Variants in ADAMTSL1 observed in about 807,000 individuals in gnomAD.
ADAMTSL1 encodes ADAMTS like 1.
Under a neutral mutation model 201.8 loss-of-function variants are expected in ADAMTSL1, and 126 were observed. The ratio of observed to expected loss-of-function variants is 0.62; its 90% CI spans 0.54 to 0.72. The LOEUF (loss-of-function observed/expected upper bound fraction) is 0.72, where lower values mean the gene tolerates loss of function less well. Among genes scored for constraint, ADAMTSL1 ranks in the 30% least tolerant of loss-of-function variants. The pLI is 0.00. For synonymous variants in ADAMTSL1, 1,121 were observed against 903.4 expected (o/e 1.24, Z -4.32); for missense variants, 2,679 against 2,277.8 (o/e 1.18, Z -3.59).
At position 18,622,515 on chromosome 9, in the gene ADAMTSL1, T is replaced by C. The variant is rs552343984; in HGVS notation, c.601+146T>C. ...ATGTAGAAGGCTTCATGCTCTGGCA[T>C]GTGAATTAGCTTAGGTGGGACAAGT... On this transcript the variant is annotated intron_variant, in intron 5 of 28. Transcript: ENST00000380548. 15 of 1,250,662 alleles carry C rather than the reference T, an allele frequency of 1.2e-5. No homozygotes were observed. In the South Asian group the frequency reaches 1.9e-4, roughly 16 times the overall value. 77.5% of individuals were successfully genotyped at this position (1,250,662 alleles called of 1,614,324 possible). A position where few individuals can be genotyped will look rare whatever the true frequency, so the allele number is the denominator to read the frequency against.
chr9:18,751,397 A>T (rs755744076), intron 15 of ADAMTSL1, among the ~76,000 whole-genome samples: 5 of 152,194 alleles, frequency 3.3e-5, no homozygotes, highest in African/African-American at 7.2e-5. Context: ...TGGATTCACT[A>T]CTTACTAATT....
chr9:18,036,173 C>T (rs923317798), intron 1 of ADAMTSL1, among the ~76,000 whole-genome samples: 4 of 152,102 alleles, frequency 2.6e-5, no homozygotes, highest in Non-Finnish European at 5.9e-5. Flanking sequence ...TCCAGGCATA[C>T]TTTAAAGCAT....
intron 1 of ADAMTSL1, among the ~76,000 whole-genome samples, chr9:18,034,507 T>C (rs1209652819): frequency 6.6e-6 from 1 of 152,160 alleles, no homozygotes; most frequent in Non-Finnish European, 1.5e-5. Context: ...AAACATAAAC[T>C]CATCATTTTC....
chr9:18,802,949 A>G (rs1563813712), intron 20 of ADAMTSL1, among the ~76,000 whole-genome samples: 1 of 152,214 alleles, frequency 6.6e-6, no homozygotes, highest in Non-Finnish European at 1.5e-5. Flanking sequence ...ACATTTTAAT[A>G]TTGACTAATG....
At chr9:17,938,937 T>G (rs1827121154) in intron 1 of ADAMTSL1, among the ~76,000 whole-genome samples, 1 of 152,164 alleles carries the variant, frequency 6.6e-6, no homozygotes, top group Non-Finnish European at 1.5e-5. Flanking sequence ...GACAAGTCAT[T>G]AAGCAGCTTC....
In ADAMTSL1 at chr9:18,629,917, T is replaced by G. The variant is rs374006205; in HGVS notation, c.602-6026T>G. ...CTTATGAACTTATGGAACACCATTA[T>G]AGTAACTATTTTAATATCCATTCTG... On this transcript the variant is annotated intron_variant, in intron 5 of 28. Transcript: ENST00000380548. 2.0e-5 allele frequency among the ~76,000 whole-genome samples: 3 copies of G among 152,246 alleles called. No individual in the cohort carries two copies. The East Asian group carries it at 5.8e-4, about 29-fold the overall frequency.
intron 2 of ADAMTSL1, among the ~76,000 whole-genome samples, chr9:18,511,128 G>C (rs919916955): frequency 6.6e-6 from 1 of 152,088 alleles, no homozygotes; most frequent in African/African-American, 2.4e-5. Flanking sequence ...AGATGGCAAC[G>C]AGTTAGATAG....
At chr9:18,239,837 T>C (rs1830994081) in intron 2 of ADAMTSL1, among the ~76,000 whole-genome samples, 1 of 152,086 alleles carries the variant, frequency 6.6e-6, no homozygotes, top group African/African-American at 2.4e-5. Context: ...TCAGTGTTTA[T>C]CCATAAGAAG....
chr9:18,406,904 A>C (rs939734088), intron 2 of ADAMTSL1, among the ~76,000 whole-genome samples: 1 of 152,180 alleles, frequency 6.6e-6, no homozygotes, highest in African/African-American at 2.4e-5. Context: ...CATAATAATA[A>C]TATCTGCTTC....
intron 4 of ADAMTSL1, among the ~76,000 whole-genome samples, chr9:18,577,589 T>G (rs1822815890): frequency 6.6e-6 from 1 of 152,154 alleles, no homozygotes; most frequent in South Asian, 2.1e-4. Context: ...TTTCAATCTG[T>G]GGAAAATGAA....
At chr9:18,349,566 G>A (rs1254359913) in intron 2 of ADAMTSL1, among the ~76,000 whole-genome samples, 1 of 152,200 alleles carries the variant, frequency 6.6e-6, no homozygotes, top group African/African-American at 2.4e-5. Context: ...TAATGCAATT[G>A]TGTGGCATAT....
intron 2 of ADAMTSL1, among the ~76,000 whole-genome samples, chr9:18,271,311 C>A (rs963685800): frequency 2.0e-5 from 3 of 152,052 alleles, no homozygotes; most frequent in African/African-American, 7.3e-5. Context: ...AGGTATATCT[C>A]CTAATGCTAT....
At chr9:18,157,887 A>G (rs1827222677) in intron 1 of ADAMTSL1, among the ~76,000 whole-genome samples, 1 of 152,022 alleles carries the variant, frequency 6.6e-6, no homozygotes, top group Non-Finnish European at 1.5e-5. Flanking sequence ...GAACACCTGA[A>G]GCTACTTCAA....
At chr9:18,759,366 T>A (rs1819940597) in intron 16 of ADAMTSL1, among the ~76,000 whole-genome samples, 1 of 152,248 alleles carries the variant, frequency 6.6e-6, no homozygotes, top group South Asian at 2.1e-4. Flanking sequence ...TTTCATTTTC[T>A]AGATTTAAAC....
chr9:18,650,498 G>A (rs1828168387), intron 7 of ADAMTSL1, among the ~76,000 whole-genome samples: 1 of 152,166 alleles, frequency 6.6e-6, no homozygotes, highest in South Asian at 2.1e-4. Flanking sequence ...CACGGTGGGA[G>A]TTGTAGACAG....
chr9:18,573,046 A>C (rs1019553984), intron 3 of ADAMTSL1, among the ~76,000 whole-genome samples: 3 of 152,216 alleles, frequency 2.0e-5, no homozygotes, highest in Non-Finnish European at 2.9e-5. Context: ...TATTCATTAG[A>C]TAATGGCCAT....
At chr9:18,379,703 C>A (rs879665564) in intron 2 of ADAMTSL1, among the ~76,000 whole-genome samples, 2 of 151,594 alleles carry the variant, frequency 1.3e-5, no homozygotes, top group Admixed American at 1.3e-4. Context: ...GGTTTTATAC[C>A]GGATGAGAGC....
intron 23 of ADAMTSL1, among the ~76,000 whole-genome samples, chr9:18,884,397 G>T (rs1828725261): frequency 6.6e-6 from 1 of 152,084 alleles, no homozygotes; most frequent in African/African-American, 2.4e-5. Flanking sequence ...GGTGTCTTAT[G>T]ATGTGTCAAA....
At position 18,169,465 on chromosome 9, in the gene ADAMTSL1, G is replaced by T. The variant is rs1296168759; in HGVS notation, c.207+5484G>T. On this transcript the variant is annotated intron_variant, in intron 2 of 29. Transcript: ENST00000680146. ...ATGTGGCATTATTTCTGAGGGCTCT[G>T]TTGTGTTCCATTGATCTATATCTCT... Among the ~76,000 whole-genome samples the T allele has an allele frequency of 7.9e-5, 12 of 152,152 alleles. No individual in the cohort carries two copies. In the East Asian group the frequency reaches 1.4e-3, roughly 17 times the overall value.
Sources: gnomAD v4.1 joint callset for allele counts (sites outside exome capture counted in the v4.1 genomes callset) on GRCh38, gnomAD v4.1.1 for gene constraint, MANE v1.5 for transcripts, NCBI Gene and HGNC (gene_info 2026-07-23, HGNC 2026-07-21) for gene names.